The following SELENOO variants were observed in gnomAD, a reference collection of about 807,000 sequenced individuals.
The protein encoded by SELENOO is protein adenylyltransferase SelO, mitochondrial.
In SELENOO, 74 loss-of-function variants were observed where a neutral mutation model predicts 58.7. That is an observed-to-expected ratio of 1.26 (90% CI 1.04 to 1.53). The LOEUF is 1.53. SELENOO is among the 40% of genes most tolerant of loss of function. The pLI, the probability that SELENOO is intolerant of heterozygous loss-of-function variation, is 0.00. For missense variants in SELENOO, 1,149 were observed against 970.0 expected, an observed-to-expected ratio of 1.18 and a Z score of -2.45; for synonymous variants, 543 against 453.2, an observed-to-expected ratio of 1.20 and a Z score of -2.52.
intron 5 of SELENOO, 33 bp from the exon 6 acceptor site, chr22:50,215,684 T>G: frequency 6.6e-7 from 1 of 1,518,810 alleles, no homozygotes; most frequent in Non-Finnish European, 8.9e-7. Flanking sequence ...CTGGGCCTTC[T>G]GCTTCCAGCT....
At chr22:50,216,904 G>T in intron 7 of SELENOO, 28 bp downstream of exon 7, 1 of 1,602,836 alleles carries the variant, frequency 6.2e-7, no homozygotes. Flanking sequence ...GGTCACCGGG[G>T]GACGGCGGGT....
In SELENOO at chr22:50,215,764, G is replaced by A. The variant is rs1489376661; in HGVS notation, c.1399G>A (p.Glu467Lys). The change falls in exon 6 of 9, where the codon GAG (glutamate) becomes AAG (lysine). Residue 467 changes from glutamate (E) to lysine (K), a missense_variant. Physicochemically the swap from Glu to Lys is moderately conservative, Grantham distance 56. Transcript: ENST00000380903. The part of the protein sequence containing the change: ...TFYLLSSFPV[E>K]LESPGLAEFL... The stretch of plus-strand genomic sequence containing the variant: ...CTACTTGCTGAGCTCCTTCCCAGTG[G>A]AGCTAGAGTCGCCAGGCCTGGCGGA... The A allele has an allele frequency of 2.5e-6, 4 of 1,611,810 alleles. No homozygotes were observed. The highest frequency in any genetic ancestry group is 3.4e-6 in the Non-Finnish European group (4 of 1,178,750).
chr22:50,210,508 G>C, intron 4 of SELENOO, 123 bp from the exon 5 acceptor site: 1 of 1,454,958 alleles, frequency 6.9e-7, no homozygotes, highest in East Asian at 2.3e-5. Context: ...GACCCCTGTG[G>C]GACAGGGCCA....
chr22:50,213,109 G>T lies in SELENOO; in HGVS notation c.1351+2198G>T, dbSNP rs190325952. Among the ~76,000 whole-genome samples the T allele has an allele frequency of 5.3e-5, 8 of 152,286 alleles. No individual in the cohort carries two copies. In the East Asian group the frequency reaches 1.4e-3, roughly 26 times the overall value. Reference sequence around the variant, plus strand: ...GGAGTCTTACTCTGTCGCCCAAGCTGGAGTGCAGTGGCATGATCTTGGCTC... The same window carrying T: ...GGAGTCTTACTCTGTCGCCCAAGCTTGAGTGCAGTGGCATGATCTTGGCTC... On this transcript the variant is annotated intron_variant, in intron 5 of 8. Transcript: ENST00000380903.
intron 5 of SELENOO, 104 bp from the exon 6 acceptor site, chr22:50,215,613 T>G (rs2147167068): frequency 1.2e-5 from 11 of 922,392 alleles, no homozygotes; most frequent in Non-Finnish European, 1.7e-5. Flanking sequence ...GGTGGGTCCA[T>G]GCAGCACCTG....
chr22:50,201,555 G>A lies in SELENOO; in HGVS notation c.519G>A (p.Leu173=). ...CGGCGACCGGCGAGCGCTGGGAGCT[G>A]CAGCTCAAGGGCGCCGGGCCCACGC... The part of the protein sequence containing the change: ...VCTATGERWE[L]QLKGAGPTPF... Residue 173 remains leucine (L), a synonymous_variant, in exon 1 of 9, where the codon CTG becomes CTA. Coordinates refer to ENST00000380903, the MANE Select transcript of SELENOO (RefSeq NM_031454.2). The A allele has an allele frequency of 7.2e-7, 1 of 1,381,286 alleles. No individual in the cohort carries two copies. The highest frequency in any genetic ancestry group is 2.9e-5 in the Admixed American group (1 of 34,730). 85.6% of individuals were successfully genotyped at this position (1,381,286 alleles called of 1,614,324 possible).
rs780435148 is a variant in SELENOO, at chr22:50,215,829, G to A, written c.1464G>A (p.Glu488=). Residue 488 remains glutamate, a synonymous_variant, in exon 6 of 9, where the codon GAG becomes GAA. Transcript: ENST00000380903. Reference sequence around the variant, plus strand: ...TGATGGAGCAGTGTGCCTCCCTGGAGGAGCTGAGGCTGGCCTTCCGGCCCC... The same window carrying A: ...TGATGGAGCAGTGTGCCTCCCTGGAAGAGCTGAGGCTGGCCTTCCGGCCCC... ...ARLMEQCASL[E]ELRLAFRPQM... 9 of 1,612,130 alleles carry A rather than the reference G, an allele frequency of 5.6e-6. No individual in the cohort carries two copies. Among genetic ancestry groups the A allele is most frequent in the South Asian group, 3.3e-5 (3 of 91,022 alleles).
Position 50,217,529 on chromosome 22 carries a change from CCCGTCTCTGTCTGAGG to C in SELENOO, c.*164_*179del, listed in dbSNP as rs1569106655. On this transcript the variant is annotated 3_prime_UTR_variant, in exon 9 of 9. Transcript: ENST00000380903. ...GCAGAGACATCCAGTCAGGACCTGA[CCCGTCTCTGTCTGAGG>C]CCGGCTCAGCAGTGCAGCCTGGTCC... The C allele has an allele frequency of 1.0e-5, 11 of 1,066,624 alleles. No homozygotes were observed. Among genetic ancestry groups the C allele is most frequent in the Non-Finnish European group, 1.5e-5 (11 of 746,772 alleles). 66.1% of individuals were successfully genotyped at this position (1,066,624 alleles called of 1,614,324 possible).
chr22:50,215,518 T>C lies in SELENOO; in HGVS notation c.1352-199T>C, dbSNP rs533422230. 3.8e-3 allele frequency among the ~76,000 whole-genome samples: 563 copies of C among 149,192 alleles called. 4 individuals carry two copies. The highest frequency in any genetic ancestry group is 0.013 in the African/African-American group (517 of 40,594). On this transcript the variant is annotated intron_variant, in intron 5 of 8. Transcript: ENST00000380903. ...CCTGTGCTGGGGGAGGGTGTGGGTCTGTATGGCACTGTGCCAGGTGGAGGG... is the reference window on the plus strand; with the variant it reads ...CCTGTGCTGGGGGAGGGTGTGGGTCCGTATGGCACTGTGCCAGGTGGAGGG...
At chr22:50,207,379 C>T (rs2064339710) in intron 2 of SELENOO, among the ~76,000 whole-genome samples, 1 of 152,134 alleles carries the variant, frequency 6.6e-6, no homozygotes, top group African/African-American at 2.4e-5. Context: ...CCATCTTGGC[C>T]TCCTAAAGTG....
At chr22:50,215,628 AGG>A in intron 5 of SELENOO, 87 bp from the exon 6 acceptor site, 1 of 1,000,364 alleles carries the variant, frequency 1.0e-6, no homozygotes, top group Non-Finnish European at 1.3e-6. Context: ...CACCTGTGCC[AGG>A]GGGGTGGGGG....
chr22:50,214,759 C>T (rs529580844), intron 5 of SELENOO, among the ~76,000 whole-genome samples: 6 of 152,332 alleles, frequency 3.9e-5, no homozygotes, highest in African/African-American at 1.2e-4. Flanking sequence ...AGCAAGACTC[C>T]GTCTCAAAAA....
chr22:50,204,120 CA>C (rs2064318099), intron 1 of SELENOO, among the ~76,000 whole-genome samples: 1 of 152,198 alleles, frequency 6.6e-6, no homozygotes, highest in Non-Finnish European at 1.5e-5. Context: ...TAGGGAAATG[CA>C]AACCAAAACT....
intron 5 of SELENOO, 137 bp from the exon 6 acceptor site, chr22:50,215,579 TG>T: frequency 2.2e-6 from 1 of 447,926 alleles, no homozygotes. Flanking sequence ...GTGCTGGCGG[TG>T]GGGGGCGGTG....
chr22:50,207,856 G>A lies in SELENOO; in HGVS notation c.759-680G>A, dbSNP rs140126200. Among the ~76,000 whole-genome samples, 776 of 137,822 alleles carry A rather than the reference G, an allele frequency of 5.6e-3. 6 individuals are homozygous for A. The highest frequency in any genetic ancestry group is 0.02 in the African/African-American group (737 of 37,110). The allele number at this position is 137,822 out of a possible 152,430, so 90.4% of individuals were successfully genotyped here. ...TGACTCTCCTTTGCATCTCCTCCCC[G>A]AGGACGCAGTGGCAGGCAGGCCACG... On this transcript the variant is annotated intron_variant, in intron 2 of 8. Transcript: ENST00000380903.
chr22:50,207,559 G>A (rs1210454022), intron 2 of SELENOO, among the ~76,000 whole-genome samples: 1 of 151,646 alleles, frequency 6.6e-6, no homozygotes, highest in African/African-American at 2.4e-5. Flanking sequence ...GAGGCTGCCT[G>A]TGGGCCTCTG....
rs1280754516 is a variant in SELENOO at position 50,201,022 on chromosome 22, G to A, written c.-15G>A. The A allele has an allele frequency of 8.0e-7, 1 of 1,253,294 alleles. No individual in the cohort carries two copies. Among genetic ancestry groups the A allele is most frequent in the Non-Finnish European group, 1.0e-6 (1 of 998,338 alleles). 77.6% of individuals were successfully genotyped at this position (1,253,294 alleles called of 1,614,324 possible). ...GGGCGGGGCAGGCTGGCTTCCGGCGGGAGCGGGGCCGCGGATGGCCGTATA... is the reference window on the plus strand; with the variant it reads ...GGGCGGGGCAGGCTGGCTTCCGGCGAGAGCGGGGCCGCGGATGGCCGTATA... On this transcript the variant is annotated 5_prime_UTR_variant, in exon 1 of 9. Transcript: ENST00000380903.
In SELENOO at chr22:50,210,612, C is replaced by T. The variant is rs1382700440; in HGVS notation, c.1071-19C>T. Reference sequence around the variant, plus strand: ...ACTTCCTCTCAGGCAGGGCGTGGCTCTCTTGCCCCGTGTGGCAGGTACGAC... The same window carrying T: ...ACTTCCTCTCAGGCAGGGCGTGGCTTTCTTGCCCCGTGTGGCAGGTACGAC... On this transcript the variant is annotated intron_variant, in intron 4 of 8. Coordinates refer to ENST00000380903, the MANE Select transcript of SELENOO (RefSeq NM_031454.2). The T allele has an allele frequency of 2.5e-6, 4 of 1,612,672 alleles. No homozygotes were observed. Among genetic ancestry groups the T allele is most frequent in the African/African-American group, 2.7e-5 (2 of 74,944 alleles).
At chr22:50,212,699 A>G (rs6010156) in intron 5 of SELENOO, among the ~76,000 whole-genome samples, 1 of 152,148 alleles carries the variant, frequency 6.6e-6, no homozygotes, top group Non-Finnish European at 1.5e-5. Flanking sequence ...GTGGAGTTAC[A>G]CAGCGTGTGC....
Sources: allele counts gnomAD v4.1 joint callset (sites outside exome capture counted in the v4.1 genomes callset), GRCh38; gene constraint gnomAD v4.1.1; transcripts MANE v1.5; gene names NCBI Gene and HGNC (gene_info 2026-07-23, HGNC 2026-07-21).